Variants in KCNMB2 observed in about 807,000 individuals in gnomAD.
KCNMB2 encodes the protein calcium-activated potassium channel subunit beta-2.
A neutral mutation model predicts 24.5 loss-of-function variants in KCNMB2; 9 were observed. The observed-to-expected ratio is 0.37, with a 90% CI of 0.22 to 0.64. The LOEUF (loss-of-function observed/expected upper bound fraction) is 0.64, where lower values mean the gene tolerates loss of function less well. KCNMB2 is among the 30% of genes least tolerant of loss of function. The probability of loss-of-function intolerance (pLI) is 0.63; values close to 1 mark genes in which losing one functional copy is unlikely to be tolerated. For synonymous variants in KCNMB2, 109 were observed against 104.4 expected (o/e 1.04, Z -0.27); for missense variants, 226 against 284.3 (o/e 0.79, Z 1.47).
intron 4 of KCNMB2, among the ~76,000 whole-genome samples, chr3:178,835,515 GC>G (rs767761020): frequency 1.3e-5 from 2 of 151,794 alleles, no homozygotes; most frequent in South Asian, 2.1e-4. Flanking sequence ...AAGGCTACCA[GC>G]TGGGGAACTA....
At chr3:178,551,729 T>G (rs1025460872) in intron 1 of KCNMB2, among the ~76,000 whole-genome samples, 4 of 152,242 alleles carry the variant, frequency 2.6e-5, no homozygotes, top group African/African-American at 9.6e-5. Flanking sequence ...ACCTGCATTC[T>G]GTCATTTAAA....
chr3:178,765,930 C>T lies in KCNMB2; in HGVS notation c.-67-41413C>T, dbSNP rs538078902. Among the ~76,000 whole-genome samples the T allele has an allele frequency of 2.4e-3, 364 of 152,298 alleles. 1 individual carries two copies. The highest frequency in any genetic ancestry group is 3.4e-3 in the Middle Eastern group (1 of 294). ...GATATGAACTACCTTATCTTCCCTA[C>T]TCCAAATATTCCAGAGTCTACTTTC... On this transcript the variant is annotated intron_variant, in intron 1 of 4. Coordinates refer to ENST00000452583, the MANE Select transcript of KCNMB2 (RefSeq NM_181361.3).
At chr3:178,739,177 A>G (rs1245773998) in intron 1 of KCNMB2, among the ~76,000 whole-genome samples, 2 of 151,606 alleles carry the variant, frequency 1.3e-5, no homozygotes, top group African/African-American at 4.8e-5. Context: ...GGCCAACCCC[A>G]CTTCCATAAC....
chr3:178,835,175 G>C (rs1715180938), intron 4 of KCNMB2, among the ~76,000 whole-genome samples: 1 of 151,570 alleles, frequency 6.6e-6, no homozygotes, highest in Non-Finnish European at 1.5e-5. Context: ...AGATCTGTGG[G>C]CAAATACAGG....
At chr3:178,819,260 GA>G (rs1714529451) in intron 2 of KCNMB2, among the ~76,000 whole-genome samples, 1 of 152,150 alleles carries the variant, frequency 6.6e-6, no homozygotes, top group Admixed American at 6.5e-5. Context: ...TCATTTTGAT[GA>G]ATTTATCGAA....
At chr3:178,584,286 T>C (rs1717339710) in intron 1 of KCNMB2, among the ~76,000 whole-genome samples, 2 of 152,238 alleles carry the variant, frequency 1.3e-5, no homozygotes, top group South Asian at 4.1e-4. Flanking sequence ...GGTTGGTGTA[T>C]TAGAGGATTC....
At chr3:178,715,743 T>G (rs1336766961) in intron 1 of KCNMB2, among the ~76,000 whole-genome samples, 1 of 152,226 alleles carries the variant, frequency 6.6e-6, no homozygotes, top group Admixed American at 6.5e-5. Context: ...TGTCAAGTAC[T>G]CTGTGTGTTT....
chr3:178,696,316 C>T (rs1721873373), intron 1 of KCNMB2, among the ~76,000 whole-genome samples: 1 of 152,116 alleles, frequency 6.6e-6, no homozygotes, highest in Non-Finnish European at 1.5e-5. Flanking sequence ...GGGACACAGC[C>T]AAACCATATC....
chr3:178,819,006 T>C (rs1269443627), intron 2 of KCNMB2, among the ~76,000 whole-genome samples: 1 of 152,222 alleles, frequency 6.6e-6, no homozygotes, highest in Non-Finnish European at 1.5e-5. Context: ...ACCATTTAAA[T>C]CAAGTTATGG....
At chr3:178,733,822 A>G (rs1043380761) in intron 1 of KCNMB2, among the ~76,000 whole-genome samples, 1 of 152,138 alleles carries the variant, frequency 6.6e-6, no homozygotes, top group Non-Finnish European at 1.5e-5. Context: ...TTGAATCTAA[A>G]CTCTAAACTA....
intron 1 of KCNMB2, among the ~76,000 whole-genome samples, chr3:178,736,425 T>C (rs1238684836): frequency 6.6e-6 from 1 of 152,234 alleles, no homozygotes; most frequent in Non-Finnish European, 1.5e-5. Context: ...CCACTCAGAC[T>C]GTCTCACCAA....
rs182853696 is a variant in KCNMB2 at position 178,750,465 on chromosome 3, T to C, written c.-67-56878T>C. On this transcript the variant is annotated intron_variant, in intron 1 of 4. Transcript: ENST00000452583. The stretch of plus-strand genomic sequence containing the variant: ...AAACAGTCTTCATTGATAAGGGCAA[T>C]AGAAAGGCCAGTCAGACATTCTACT... Among the ~76,000 whole-genome samples, 11 of 152,198 alleles carry C rather than the reference T, an allele frequency of 7.2e-5. No individual in the cohort carries two copies. In the East Asian group the frequency reaches 1.9e-3, roughly 27 times the overall value.
chr3:178,584,729 T>C (rs943653102), intron 1 of KCNMB2, among the ~76,000 whole-genome samples: 1 of 152,144 alleles, frequency 6.6e-6, no homozygotes, highest in Non-Finnish European at 1.5e-5. Context: ...AAAAAGTTTG[T>C]ATGAAAATTC....
At chr3:178,555,703 T>C (rs759317023) in intron 1 of KCNMB2, among the ~76,000 whole-genome samples, 19 of 152,202 alleles carry the variant, frequency 1.2e-4, no homozygotes, top group Non-Finnish European at 1.9e-4. Flanking sequence ...TTTACTCAGA[T>C]AGATTGTAAG....
chr3:178,566,040 G>A (rs1716505348), intron 1 of KCNMB2, among the ~76,000 whole-genome samples: 1 of 152,124 alleles, frequency 6.6e-6, no homozygotes. Context: ...CTGGCAAGGG[G>A]AATATCATGA....
At chr3:178,597,588 T>G (rs1717922442) in intron 1 of KCNMB2, among the ~76,000 whole-genome samples, 1 of 152,126 alleles carries the variant, frequency 6.6e-6, no homozygotes, top group African/African-American at 2.4e-5. Context: ...GGGAACAAAG[T>G]CACACTGTCA....
intron 2 of KCNMB2, among the ~76,000 whole-genome samples, chr3:178,813,219 T>C (rs982451966): frequency 3.3e-5 from 5 of 152,204 alleles, no homozygotes. Flanking sequence ...TGAAATGGCA[T>C]TGAATTTATT....
chr3:178,822,295 T>C (rs770691888), intron 2 of KCNMB2, among the ~76,000 whole-genome samples: 3 of 152,234 alleles, frequency 2.0e-5, no homozygotes, highest in Non-Finnish European at 4.4e-5. Flanking sequence ...ATCTTGAAGA[T>C]TTTGTTTAAG....
intron 1 of KCNMB2, among the ~76,000 whole-genome samples, chr3:178,757,351 T>C (rs190626621): frequency 0.026 from 871 of 33,678 alleles, 32 homozygotes; most frequent in African/African-American, 0.043. Context: ...TCCAAGAGGA[T>C]ATATATATAT....
Sources: allele counts gnomAD v4.1 joint callset (sites outside exome capture counted in the v4.1 genomes callset), GRCh38; gene constraint gnomAD v4.1.1; transcripts MANE v1.5; gene names NCBI Gene and HGNC (gene_info 2026-07-23, HGNC 2026-07-21).